LIMCH1: variants seen among roughly 807,000 people sequenced by gnomAD.
The protein encoded by LIMCH1 is LIM and calponin homology domains 1.
In LIMCH1, 113 loss-of-function variants were observed where a neutral mutation model predicts 176.5. The ratio of observed to expected loss-of-function variants is 0.64; its 90% CI spans 0.55 to 0.75. The LOEUF is 0.75. Ranked by LOEUF, LIMCH1 falls within the 30% of genes least tolerant of loss-of-function variation. The probability of loss-of-function intolerance (pLI) is 0.00; values close to 1 mark genes in which losing one functional copy is unlikely to be tolerated. For missense variants in LIMCH1, 1,674 were observed against 1,814.9 expected (o/e 0.92, Z 1.41); for synonymous variants, 619 against 645.9 (o/e 0.96, Z 0.63).
intron 1 of LIMCH1, among the ~76,000 whole-genome samples, chr4:41,395,790 GA>G (rs1378585011): frequency 6.6e-6 from 1 of 152,104 alleles, no homozygotes; most frequent in Non-Finnish European, 1.5e-5. Flanking sequence ...AGCTCCTGGG[GA>G]GCTAGCTCCT....
rs752730541 is a variant in LIMCH1, at chr4:41,646,574, G to A, written c.2501G>A (p.Arg834Lys). ...GGGATCCTTCAACAGTACATTGAGA[G>A]GTTCACCATCAGTGAGGCTGTTCTC... is the stretch of plus-strand genomic sequence containing the variant. ...AEGILQQYIE[R>K]FTISEAVLER... Residue 834 changes from arginine (R) to lysine (K), a missense_variant, in exon 17 of 32, where the codon AGG (arginine) becomes AAG (lysine). Arg to Lys is a conservative substitution (Grantham distance 26). Transcript: ENST00000503057. The A allele has an allele frequency of 7.4e-6, 12 of 1,614,046 alleles. No homozygotes were observed. The Admixed American group carries it at 1.8e-4, about 25-fold the overall frequency.
intron 1 of LIMCH1, among the ~76,000 whole-genome samples, chr4:41,373,437 G>A (rs895039092): frequency 2.6e-5 from 4 of 152,222 alleles, no homozygotes; most frequent in Non-Finnish European, 5.9e-5. Flanking sequence ...TTCTTGGCCC[G>A]GCCTGGGCCA....
In LIMCH1 at chr4:41,629,668, C is replaced by A. The variant is rs543172439; in HGVS notation, c.1205C>A (p.Thr402Lys). 2.0e-6 allele frequency: 3 copies of A among 1,536,082 alleles called. No homozygotes were observed. Among genetic ancestry groups the A allele is most frequent in the Non-Finnish European group, 8.7e-7 (1 of 1,146,896 alleles). The change falls in exon 9 of 32, where the codon ACG becomes AAG. Residue 402 changes from threonine to lysine, a missense_variant. Thr to Lys is a moderately conservative substitution (Grantham distance 78). Coordinates refer to ENST00000503057, the MANE Select transcript of LIMCH1 (RefSeq NM_001330672.2). Reference protein sequence around the residue: ...APHREPPSFITLSNITEADLE... With the variant: ...APHREPPSFIKLSNITEADLE... ...CACCGCGAGCCCCCGAGCTTCATTA[C>A]GCTCTCCAACATAACAGAAGCTGAC...
intron 1 of LIMCH1, among the ~76,000 whole-genome samples, chr4:41,459,109 T>C (rs918972588): frequency 6.6e-6 from 1 of 152,204 alleles, no homozygotes; most frequent in Non-Finnish European, 1.5e-5. Context: ...TCTGAGATAC[T>C]TTTGTATCAT....
intron 1 of LIMCH1, among the ~76,000 whole-genome samples, chr4:41,578,352 C>T (rs944724959): frequency 2.0e-5 from 3 of 152,108 alleles, no homozygotes; most frequent in Non-Finnish European, 4.4e-5. Flanking sequence ...CCCCATGAGC[C>T]GATCACCTCT....
At chr4:41,543,673 G>A (rs1203798815) in intron 1 of LIMCH1, among the ~76,000 whole-genome samples, 1 of 152,066 alleles carries the variant, frequency 6.6e-6, no homozygotes, top group East Asian at 1.9e-4. Flanking sequence ...CTCAGCTCCC[G>A]TGTCAGACCT....
chr4:41,696,629 A>G (rs1730871493), intron 31 of LIMCH1, among the ~76,000 whole-genome samples: 1 of 152,176 alleles, frequency 6.6e-6, no homozygotes, highest in Non-Finnish European at 1.5e-5. Context: ...TCATATGGAT[A>G]TGCTTATACT....
chr4:41,460,437 T>C (rs2065151205), intron 1 of LIMCH1, among the ~76,000 whole-genome samples: 1 of 137,332 alleles, frequency 7.3e-6, no homozygotes. Flanking sequence ...ATAGGTAAAT[T>C]TGTTCCACTA....
chr4:41,618,807 A>G (rs1024567137), intron 5 of LIMCH1, among the ~76,000 whole-genome samples: 8 of 152,234 alleles, frequency 5.3e-5, no homozygotes, highest in Non-Finnish European at 7.3e-5. Context: ...AGTATCTAGC[A>G]TAGTGTAAGA....
intron 1 of LIMCH1, among the ~76,000 whole-genome samples, chr4:41,419,165 TTCATTTTATTTTATTTAATTTTA>T (rs1433579130): frequency 0.011 from 941 of 84,416 alleles, 10 homozygotes; most frequent in South Asian, 0.095. Context: ...TTTATTTTAT[TTCATTTTATTTTATTTAATTTTA>T]TTATTTTGAG....
At chr4:41,642,523 C>G (rs569301727) in intron 14 of LIMCH1, among the ~76,000 whole-genome samples, 6 of 151,872 alleles carry the variant, frequency 4.0e-5, no homozygotes, top group African/African-American at 1.2e-4. Context: ...CTATCGAGGA[C>G]TACAGTTTCT....
At chr4:41,390,048 T>C (rs1216702242) in intron 1 of LIMCH1, among the ~76,000 whole-genome samples, 1 of 152,162 alleles carries the variant, frequency 6.6e-6, no homozygotes, top group African/African-American at 2.4e-5. Flanking sequence ...CAGCACCATT[T>C]TTTTTTTAAC....
intron 2 of LIMCH1, among the ~76,000 whole-genome samples, chr4:41,522,498 C>A (rs2076221233): frequency 6.6e-6 from 1 of 151,892 alleles, no homozygotes; most frequent in Non-Finnish European, 1.5e-5. Flanking sequence ...AACAACTGTA[C>A]AAAAATATTA....
chr4:41,619,595 G>A (rs1056764128), intron 6 of LIMCH1, 155 bp downstream of exon 6: 2 of 994,500 alleles, frequency 2.0e-6, no homozygotes, highest in African/African-American at 3.3e-5. Flanking sequence ...GAGAGAGCTT[G>A]TCAGGAGAAA....
intron 2 of LIMCH1, among the ~76,000 whole-genome samples, chr4:41,509,952 T>C (rs1000489088): frequency 6.6e-6 from 1 of 152,236 alleles, no homozygotes; most frequent in African/African-American, 2.4e-5. Context: ...TTTGGAATAT[T>C]CTCAAGCTCA....
chr4:41,577,867 G>A (rs893794808), intron 1 of LIMCH1, among the ~76,000 whole-genome samples: 2 of 152,134 alleles, frequency 1.3e-5, no homozygotes, highest in African/African-American at 4.8e-5. Flanking sequence ...TCCAACATAA[G>A]TGTATACCAT....
At chr4:41,660,387 G>A (rs1179971051) in intron 18 of LIMCH1, among the ~76,000 whole-genome samples, 1 of 152,192 alleles carries the variant, frequency 6.6e-6, no homozygotes, top group Non-Finnish European at 1.5e-5. Flanking sequence ...ATTACTGGAG[G>A]TGCCATGGAG....
At chr4:41,419,395 C>T (rs1394132516) in intron 1 of LIMCH1, among the ~76,000 whole-genome samples, 1 of 151,992 alleles carries the variant, frequency 6.6e-6, no homozygotes, top group East Asian at 1.9e-4. Flanking sequence ...CCAGGCTGGT[C>T]TCAAACAGGA....
chr4:41,674,184 C>T (rs1264957910), intron 22 of LIMCH1, among the ~76,000 whole-genome samples: 1 of 152,146 alleles, frequency 6.6e-6, no homozygotes, highest in Non-Finnish European at 1.5e-5. Context: ...GCTCAATCCC[C>T]CCACCCCACA....
Sources: gnomAD v4.1 joint callset for allele counts (sites outside exome capture counted in the v4.1 genomes callset) on GRCh38, gnomAD v4.1.1 for gene constraint, MANE v1.5 for transcripts, NCBI Gene and HGNC (gene_info 2026-07-23, HGNC 2026-07-21) for gene names.